The following SLC8A1 variants were observed in gnomAD, a reference collection of about 807,000 sequenced individuals.
SLC8A1 encodes solute carrier family 8 member A1, also known as sodium/calcium exchanger 1.
Under a neutral mutation model 68.3 loss-of-function variants are expected in SLC8A1, and 18 were observed. That is an observed-to-expected ratio of 0.26 (90% CI 0.18 to 0.39). The LOEUF is 0.39. SLC8A1 is among the 10% of genes least tolerant of loss of function. The pLI, the probability that SLC8A1 is intolerant of heterozygous loss-of-function variation, is 1.00. For synonymous variants in SLC8A1, 475 were observed against 415.5 expected, an observed-to-expected ratio of 1.14 and a Z score of -1.74; for missense variants, 985 against 1,156.7, an observed-to-expected ratio of 0.85 and a Z score of 2.15.
chr2:40,173,208 T>C (rs994486862), intron 4 of SLC8A1, among the ~76,000 whole-genome samples: 3 of 152,164 alleles, frequency 2.0e-5, no homozygotes, highest in African/African-American at 7.2e-5. Flanking sequence ...AACTCATTTA[T>C]CCTTGGGTGA....
At chr2:40,213,956 T>C (rs1176868808) in intron 2 of SLC8A1, among the ~76,000 whole-genome samples, 1 of 152,142 alleles carries the variant, frequency 6.6e-6, no homozygotes, top group Non-Finnish European at 1.5e-5. Flanking sequence ...TTCAATTAAA[T>C]GGGTCATGGA....
intron 1 of SLC8A1, among the ~76,000 whole-genome samples, chr2:40,443,306 T>C (rs1379719794): frequency 6.6e-6 from 1 of 152,076 alleles, no homozygotes; most frequent in African/African-American, 2.4e-5. Flanking sequence ...AATAAATGGC[T>C]ATGGAAGTAA....
intron 1 of SLC8A1, among the ~76,000 whole-genome samples, chr2:40,492,576 A>T (rs1484392600): frequency 6.6e-6 from 1 of 151,130 alleles, no homozygotes; most frequent in African/African-American, 2.4e-5. Context: ...AATTGGAGAA[A>T]ATTTTCGCAA....
rs1287167690 is a variant in SLC8A1 at position 40,318,417 on chromosome 2, T to C, written c.1808+110056A>G. ...ACTATGTACCAAGGATCATACTAAA[T>C]CACTTCAATGTACTACATTAACTAA... On this transcript the variant is annotated intron_variant, in intron 2 of 7. Coordinates refer to ENST00000406785, the Ensembl canonical transcript of SLC8A1. 2.0e-5 allele frequency among the ~76,000 whole-genome samples: 3 copies of C among 152,020 alleles called. No individual in the cohort carries two copies. In the East Asian group the frequency reaches 5.8e-4, roughly 29 times the overall value.
intron 2 of SLC8A1, chr2:40,251,347 G>A (rs936849006): frequency 1.3e-5 from 2 of 152,148 alleles, no homozygotes; most frequent in South Asian, 2.1e-4. Flanking sequence ...GTGGCTGGCT[G>A]GCAATACTGC....
At chr2:40,406,661 C>T (rs751052562) in intron 2 of SLC8A1, among the ~76,000 whole-genome samples, 7 of 152,190 alleles carry the variant, frequency 4.6e-5, no homozygotes, top group Non-Finnish European at 1.0e-4. Context: ...AACCCAAGGC[C>T]CTCTGTTACT....
intron 2 of SLC8A1, among the ~76,000 whole-genome samples, chr2:40,372,312 T>C: frequency 6.6e-6 from 1 of 152,052 alleles, no homozygotes; most frequent in Admixed American, 6.6e-5. Context: ...CTTAAATTGG[T>C]GTATGTGTGT....
At chr2:40,253,279 C>T (rs530404178) in intron 2 of SLC8A1, among the ~76,000 whole-genome samples, 18 of 149,148 alleles carry the variant, frequency 1.2e-4, no homozygotes, top group Middle Eastern at 3.5e-3. Context: ...GTACATATGA[C>T]GTATATATGT....
chr2:40,189,003 C>G (rs187651277), intron 2 of SLC8A1, among the ~76,000 whole-genome samples: 1 of 152,104 alleles, frequency 6.6e-6, no homozygotes, highest in Admixed American at 6.5e-5. Context: ...GATTAGGAGA[C>G]AAGAGAATAG....
chr2:40,206,511 T>C (rs762313862), intron 2 of SLC8A1, among the ~76,000 whole-genome samples: 7 of 152,074 alleles, frequency 4.6e-5, no homozygotes, highest in Non-Finnish European at 8.8e-5. Context: ...TTTTTAATTT[T>C]AGGAATTGTA....
At chr2:40,098,903 A>G (rs2033730153) in exon 8 of SLC8A1, 1 of 152,068 alleles carries the variant, frequency 6.6e-6, no homozygotes, top group Non-Finnish European at 1.5e-5. Context: ...TCTTTGGCAG[A>G]AGACTTTATA....
At chr2:40,205,890 TG>T (rs1255348921) in intron 2 of SLC8A1, among the ~76,000 whole-genome samples, 1 of 151,724 alleles carries the variant, frequency 6.6e-6, no homozygotes, top group African/African-American at 2.4e-5. Context: ...TGTGTATAAC[TG>T]GCCCATGGGT....
intron 2 of SLC8A1, among the ~76,000 whole-genome samples, chr2:40,315,140 T>TTA (rs1260371221): frequency 2.0e-5 from 3 of 152,016 alleles, no homozygotes; most frequent in Admixed American, 6.6e-5. Flanking sequence ...ATGTATGTCC[T>TTA]TTATTAGGTT....
intron 4 of SLC8A1, among the ~76,000 whole-genome samples, chr2:40,169,639 A>G (rs2148503604): frequency 6.6e-6 from 1 of 152,278 alleles, no homozygotes; most frequent in South Asian, 2.1e-4. Flanking sequence ...AATACAGCTC[A>G]GCTTTAAAAG....
At chr2:40,277,102 A>T (rs568476861) in intron 2 of SLC8A1, among the ~76,000 whole-genome samples, 1 of 152,358 alleles carries the variant, frequency 6.6e-6, no homozygotes, top group African/African-American at 2.4e-5. Flanking sequence ...AGAGGAAGAG[A>T]AAGTTACTAT....
chr2:40,456,973 GGT>G (rs566284815), upstream of SLC8A1, among the ~76,000 whole-genome samples: 20 of 152,204 alleles, frequency 1.3e-4, no homozygotes, highest in South Asian at 4.2e-3. Context: ...TACATAGTGT[GGT>G]TAGTGATTGA....
chr2:40,235,050 C>A (rs1439866424), intron 2 of SLC8A1, among the ~76,000 whole-genome samples: 1 of 152,060 alleles, frequency 6.6e-6, no homozygotes, highest in Non-Finnish European at 1.5e-5. Flanking sequence ...GGATATTGGT[C>A]TAAAATTCTC....
intron 7 of SLC8A1, among the ~76,000 whole-genome samples, chr2:40,130,126 A>G (rs942823162): frequency 1.3e-5 from 2 of 152,220 alleles, no homozygotes; most frequent in African/African-American, 4.8e-5. Context: ...AGTATTTAAT[A>G]AAAAAACTCT....
intron 1 of SLC8A1, among the ~76,000 whole-genome samples, chr2:40,475,923 A>G (rs1704277248): frequency 6.6e-6 from 1 of 152,136 alleles, no homozygotes; most frequent in African/African-American, 2.4e-5. Context: ...ATCATAGAAA[A>G]GGATTTTGGG....
Sources: gnomAD v4.1 joint callset for allele counts (sites outside exome capture counted in the v4.1 genomes callset) on GRCh38, gnomAD v4.1.1 for gene constraint, MANE v1.5 for transcripts, NCBI Gene and HGNC (gene_info 2026-07-23, HGNC 2026-07-21) for gene names.